Variants in RORA observed in about 807,000 individuals in gnomAD.
The protein encoded by RORA is RAR related orphan receptor A, also known as nuclear receptor ROR-alpha.
A neutral mutation model predicts 69.5 loss-of-function variants in RORA; 7 were observed. The ratio of observed to expected loss-of-function variants is 0.10; its 90% CI spans 0.06 to 0.19. The LOEUF (loss-of-function observed/expected upper bound fraction) is 0.19, where lower values mean the gene tolerates loss of function less well. Among genes scored for constraint, RORA ranks in the 10% least tolerant of loss-of-function variants. RORA has a pLI of 1.00. For synonymous variants in RORA, 261 were observed against 240.8 expected, an observed-to-expected ratio of 1.08 and a Z score of -0.78; for missense variants, 457 against 663.0, an observed-to-expected ratio of 0.69 and a Z score of 3.41.
At chr15:60,779,217 C>T (rs575447280) in intron 1 of RORA, among the ~76,000 whole-genome samples, 96 of 152,266 alleles carry the variant, frequency 6.3e-4, no homozygotes, top group Non-Finnish European at 1.1e-3. Flanking sequence ...AATGAAAACC[C>T]GTCCTAGGAA....
chr15:60,889,054 G>A (rs1312530212), intron 1 of RORA, among the ~76,000 whole-genome samples: 2 of 152,306 alleles, frequency 1.3e-5, no homozygotes, highest in East Asian at 3.9e-4. Context: ...CACCTCAGAG[G>A]CACCTCTCCT....
chr15:60,588,357 T>C (rs2068395606), intron 2 of RORA, among the ~76,000 whole-genome samples: 1 of 152,188 alleles, frequency 6.6e-6, no homozygotes, highest in Non-Finnish European at 1.5e-5. Context: ...TCTTAGGAAA[T>C]TTGTTCCACA....
At chr15:61,199,454 A>T (rs1442505398) in intron 1 of RORA, among the ~76,000 whole-genome samples, 1 of 152,084 alleles carries the variant, frequency 6.6e-6, no homozygotes, top group African/African-American at 2.4e-5. Flanking sequence ...ACAAAGAAAC[A>T]CACACTACTC....
intron 1 of RORA, among the ~76,000 whole-genome samples, chr15:60,753,024 G>A (rs1232952561): frequency 1.3e-5 from 2 of 152,266 alleles, no homozygotes; most frequent in East Asian, 3.9e-4. Flanking sequence ...TACTCTGTGA[G>A]CCCTGAACAA....
chr15:61,104,024 G>T (rs2078917506), intron 1 of RORA, among the ~76,000 whole-genome samples: 1 of 152,182 alleles, frequency 6.6e-6, no homozygotes, highest in African/African-American at 2.4e-5. Context: ...TTAATTCTCT[G>T]AGAGAAGAAA....
intron 1 of RORA, among the ~76,000 whole-genome samples, chr15:60,723,383 C>CA (rs569216125): frequency 2.1e-4 from 31 of 150,746 alleles, no homozygotes; most frequent in Non-Finnish European, 4.4e-4. Context: ...CCATTCCCCC[C>CA]CCCACTCACA....
intron 1 of RORA, among the ~76,000 whole-genome samples, chr15:60,901,712 A>G (rs901655304): frequency 2.0e-5 from 3 of 152,236 alleles, no homozygotes; most frequent in Non-Finnish European, 2.9e-5. Flanking sequence ...GCACTACGCA[A>G]CTTCTCAAAC....
intron 3 of RORA, among the ~76,000 whole-genome samples, chr15:60,516,241 ATATATATT>A (rs1567052792): frequency 1.2e-4 from 8 of 69,404 alleles, no homozygotes; most frequent in Non-Finnish European, 1.7e-4. Context: ...ATATTTATAT[ATATATATT>A]TATATATATA....
At chr15:60,791,464 T>C (rs1226813125) in intron 1 of RORA, among the ~76,000 whole-genome samples, 14 of 152,206 alleles carry the variant, frequency 9.2e-5, no homozygotes, top group Admixed American at 9.2e-4. Context: ...AACATGAACC[T>C]TCACCAAGTA....
At chr15:60,879,584 C>G (rs2073656421) in intron 1 of RORA, among the ~76,000 whole-genome samples, 1 of 152,108 alleles carries the variant, frequency 6.6e-6, no homozygotes, top group African/African-American at 2.4e-5. Context: ...TGATTTGAAG[C>G]ATTTTTTCCT....
intron 1 of RORA, among the ~76,000 whole-genome samples, chr15:60,772,545 T>C: frequency 6.6e-6 from 1 of 152,244 alleles, no homozygotes; most frequent in East Asian, 1.9e-4. Context: ...CTTTTCCTCG[T>C]ATGGGTACCC....
intron 1 of RORA, among the ~76,000 whole-genome samples, chr15:60,690,145 G>A (rs1460431244): frequency 6.6e-6 from 1 of 152,198 alleles, no homozygotes; most frequent in African/African-American, 2.4e-5. Flanking sequence ...AAAACAGAGT[G>A]CAGTTGTTTT....
chr15:60,758,425 C>A (rs1169429773), intron 1 of RORA, among the ~76,000 whole-genome samples: 1 of 152,158 alleles, frequency 6.6e-6, no homozygotes, highest in Non-Finnish European at 1.5e-5. Flanking sequence ...CCCTTGAGTT[C>A]CTTCAAAACT....
At chr15:61,054,110 G>A (rs887457867) in intron 1 of RORA, among the ~76,000 whole-genome samples, 2 of 151,896 alleles carry the variant, frequency 1.3e-5, no homozygotes, top group East Asian at 3.9e-4. Context: ...AATCCACTTG[G>A]ATTGAGCATG....
At chr15:60,638,517 A>G (rs1285072426) in intron 2 of RORA, among the ~76,000 whole-genome samples, 2 of 151,184 alleles carry the variant, frequency 1.3e-5, no homozygotes, top group African/African-American at 4.9e-5. Context: ...TGGATTTTCT[A>G]TTTCTTCACC....
At chr15:60,808,051 C>T (rs921287990) in intron 1 of RORA, among the ~76,000 whole-genome samples, 7 of 152,014 alleles carry the variant, frequency 4.6e-5, no homozygotes, top group Non-Finnish European at 1.0e-4. Flanking sequence ...AAAGCAAATG[C>T]AACAAAAACA....
chr15:60,961,568 T>C (rs1375288271), intron 1 of RORA, among the ~76,000 whole-genome samples: 1 of 152,234 alleles, frequency 6.6e-6, no homozygotes, highest in Non-Finnish European at 1.5e-5. Context: ...ACTTTAAATT[T>C]GGCCTAAGAT....
chr15:60,662,680 G>A (rs2070322169), intron 2 of RORA, among the ~76,000 whole-genome samples: 1 of 152,036 alleles, frequency 6.6e-6, no homozygotes, highest in Admixed American at 6.6e-5. Context: ...TGCAATTCTG[G>A]TATACTGTAA....
intron 1 of RORA, among the ~76,000 whole-genome samples, chr15:60,778,664 T>C (rs2072209021): frequency 6.6e-6 from 1 of 152,188 alleles, no homozygotes; most frequent in Non-Finnish European, 1.5e-5. Flanking sequence ...GACAGCTCCC[T>C]TTAGCGAAAA....
Sources: gnomAD v4.1 joint callset for allele counts (sites outside exome capture counted in the v4.1 genomes callset) on GRCh38, gnomAD v4.1.1 for gene constraint, MANE v1.5 for transcripts, NCBI Gene and HGNC (gene_info 2026-07-23, HGNC 2026-07-21) for gene names.